SCML4: variants seen among roughly 807,000 people sequenced by gnomAD.
SCML4 encodes the protein sex comb on midleg-like protein 4.
In SCML4, 34 loss-of-function variants were observed where a neutral mutation model predicts 41.1. That is an observed-to-expected ratio of 0.83 (90% confidence interval 0.63 to 1.10). SCML4 has a LOEUF of 1.10. Ranked by LOEUF, SCML4 falls within the 50% of genes least tolerant of loss-of-function variation. The probability of loss-of-function intolerance (pLI) is 0.00; values close to 1 mark genes in which losing one functional copy is unlikely to be tolerated. For synonymous variants in SCML4, 214 were observed against 220.9 expected (o/e 0.97, Z 0.28); for missense variants, 522 against 534.1 (o/e 0.98, Z 0.22).
At chr6:107,754,951 A>T (rs911203137) in intron 2 of SCML4, among the ~76,000 whole-genome samples, 31 of 152,158 alleles carry the variant, frequency 2.0e-4, no homozygotes, top group African/African-American at 6.8e-4. Context: ...AAAAATTTTA[A>T]AAATTAGCCA....
intron 2 of SCML4, among the ~76,000 whole-genome samples, chr6:107,757,111 A>T (rs1297355062): frequency 3.3e-5 from 5 of 152,278 alleles, no homozygotes; most frequent in African/African-American, 1.2e-4. Flanking sequence ...AGTCTCCACC[A>T]GGGGGGCTGG....
chr6:107,741,425 G>A lies in SCML4; in HGVS notation c.682+3524C>T, dbSNP rs79880548. 1.9e-4 allele frequency among the ~76,000 whole-genome samples: 29 copies of A among 152,314 alleles called. No homozygotes were observed. In the East Asian group the frequency reaches 5.2e-3, roughly 27 times the overall value. On this transcript the variant is annotated intron_variant, in intron 5 of 7. Coordinates refer to ENST00000369020, the MANE Select transcript of SCML4 (RefSeq NM_198081.5). ...ACCATCTTGGTTTCCATGGCAGGAG[G>A]CCTGTCCTTGCCTTAATCCATAGGA... is the stretch of plus-strand genomic sequence containing the variant.
chr6:107,791,018 G>A (rs1358548433), intron 1 of SCML4, among the ~76,000 whole-genome samples: 1 of 151,078 alleles, frequency 6.6e-6, no homozygotes, highest in East Asian at 2.0e-4. Flanking sequence ...TGCAGTGAGT[G>A]GACATTGCAC....
At chr6:107,777,530 G>A (rs1235104047) in intron 1 of SCML4, among the ~76,000 whole-genome samples, 6 of 152,094 alleles carry the variant, frequency 3.9e-5, no homozygotes, top group Non-Finnish European at 7.4e-5. Flanking sequence ...TTGCTTCCTG[G>A]AATGGCCTTC....
intron 5 of SCML4, among the ~76,000 whole-genome samples, chr6:107,727,630 C>T (rs1305049442): frequency 2.0e-5 from 3 of 152,212 alleles, no homozygotes; most frequent in Non-Finnish European, 4.4e-5. Context: ...GACCCTGGAA[C>T]GCTACATCTT....
intron 1 of SCML4, among the ~76,000 whole-genome samples, chr6:107,778,213 AAAAAAAAAAATATATATATATATATATAT>A (rs1467807226): frequency 1.3e-3 from 9 of 6,888 alleles, no homozygotes; most frequent in Admixed American, 8.4e-3. Context: ...AAAAAAAAAA[AAAAAAAAAAATATATATATATATATATAT>A]ATATATATAT....
At chr6:107,819,721 G>A (rs1784809937) in intron 1 of SCML4, among the ~76,000 whole-genome samples, 1 of 150,686 alleles carries the variant, frequency 6.6e-6, no homozygotes, top group African/African-American at 2.4e-5. Context: ...AATTTAGGTA[G>A]CATGTGTCTA....
chr6:107,763,777 C>A (rs527945625), intron 2 of SCML4, among the ~76,000 whole-genome samples: 4 of 152,308 alleles, frequency 2.6e-5, no homozygotes, highest in South Asian at 4.1e-4. Context: ...GCAGCCATTG[C>A]CAAGACAGCC....
At chr6:107,755,330 A>G (rs1324321160) in intron 2 of SCML4, among the ~76,000 whole-genome samples, 3 of 152,254 alleles carry the variant, frequency 2.0e-5, no homozygotes, top group African/African-American at 4.8e-5. Context: ...TATGGGTAGT[A>G]TATGGCTTTT....
chr6:107,769,355 T>C (rs1412296101), intron 2 of SCML4, among the ~76,000 whole-genome samples: 1 of 152,224 alleles, frequency 6.6e-6, no homozygotes, highest in African/African-American at 2.4e-5. Context: ...CTCCCTTATC[T>C]GCCTGCAATT....
At chr6:107,730,662 A>G (rs1272108213) in intron 5 of SCML4, among the ~76,000 whole-genome samples, 1 of 152,236 alleles carries the variant, frequency 6.6e-6, no homozygotes, top group Non-Finnish European at 1.5e-5. Flanking sequence ...GCCCCATCAA[A>G]GAAATCTGCC....
chr6:107,737,246 G>A (rs1777162025), intron 5 of SCML4, among the ~76,000 whole-genome samples: 1 of 152,214 alleles, frequency 6.6e-6, no homozygotes, highest in Non-Finnish European at 1.5e-5. Context: ...AAGGATCTGG[G>A]GAGAACAGAG....
At chr6:107,731,718 A>T (rs1050567742) in intron 5 of SCML4, among the ~76,000 whole-genome samples, 3 of 152,240 alleles carry the variant, frequency 2.0e-5, no homozygotes, top group Non-Finnish European at 1.5e-5. Flanking sequence ...CGGCTTGCTG[A>T]CAGAGATGGC....
rs756466791 is a variant in SCML4 at position 107,720,753 on chromosome 6, G to A, written c.923C>T (p.Pro308Leu). The change falls in exon 6 of 8, where the codon CCA becomes CTA. Residue 308 changes from proline to leucine, a missense_variant. Transcript: ENST00000369020. ...GGPSAPGLRP[P>L]ASSPKRNTTS... ...CGTGTTTCTCTTGGGGCTGGAGGCT[G>A]GAGGCCTCAGCCCAGGTGCCGAGGG... 6.2e-7 allele frequency: 1 copy of A among 1,604,526 alleles called. No individual in the cohort carries two copies. The highest frequency in any genetic ancestry group is 2.2e-5 in the East Asian group (1 of 44,750).
intron 1 of SCML4, among the ~76,000 whole-genome samples, chr6:107,792,742 A>C (rs1782431418): frequency 6.6e-6 from 1 of 151,982 alleles, no homozygotes; most frequent in Non-Finnish European, 1.5e-5. Context: ...AAAAAAAAAA[A>C]AGATAAAAAG....
At chr6:107,817,379 G>A (rs2114297301) in intron 1 of SCML4, among the ~76,000 whole-genome samples, 1 of 152,230 alleles carries the variant, frequency 6.6e-6, no homozygotes, top group East Asian at 1.9e-4. Flanking sequence ...CACTTTGGGA[G>A]GCCAAGGTGG....
rs149624214 is a variant in SCML4 at position 107,815,951 on chromosome 6, T to C, written c.-60+8175A>G. 1.4e-4 allele frequency among the ~76,000 whole-genome samples: 22 copies of C among 152,346 alleles called. No individual in the cohort carries two copies. In the East Asian group the frequency reaches 4.2e-3, roughly 29 times the overall value. ...AAACACCAGGGAATCATTTCCTTTCTGGAACCTGCCGGACCTGCAGCAGCC... is the reference window on the plus strand; with the variant it reads ...AAACACCAGGGAATCATTTCCTTTCCGGAACCTGCCGGACCTGCAGCAGCC... On this transcript the variant is annotated intron_variant, in intron 1 of 7. Transcript: ENST00000369020.
At chr6:107,813,340 G>T (rs992915305) in intron 1 of SCML4, among the ~76,000 whole-genome samples, 3 of 141,316 alleles carry the variant, frequency 2.1e-5, no homozygotes, top group Admixed American at 7.2e-5. Context: ...TCCAGCCTGG[G>T]TGACAGAGTG....
intron 1 of SCML4, among the ~76,000 whole-genome samples, chr6:107,803,998 G>A (rs374164831): frequency 4.7e-5 from 7 of 148,846 alleles, no homozygotes; most frequent in South Asian, 4.2e-4. Flanking sequence ...CTATTGTCCT[G>A]TGACCCTGCC....
Sources: gnomAD v4.1 joint callset for allele counts (sites outside exome capture counted in the v4.1 genomes callset) on GRCh38, gnomAD v4.1.1 for gene constraint, MANE v1.5 for transcripts, NCBI Gene and HGNC (gene_info 2026-07-23, HGNC 2026-07-21) for gene names.